Variants in SLC24A2 observed in about 807,000 individuals in gnomAD.
SLC24A2 encodes the protein sodium/potassium/calcium exchanger 2.
Under a neutral mutation model 62.0 loss-of-function variants are expected in SLC24A2, and 36 were observed. That is an observed-to-expected ratio of 0.58 (90% CI 0.44 to 0.77). The LOEUF (loss-of-function observed/expected upper bound fraction) is 0.77, where lower values mean the gene tolerates loss of function less well. Among genes scored for constraint, SLC24A2 ranks in the 30% least tolerant of loss-of-function variants. SLC24A2 has a pLI of 0.00. For synonymous variants in SLC24A2, 358 were observed against 294.0 expected (o/e 1.22, Z -2.23); for missense variants, 846 against 817.9 (o/e 1.03, Z -0.42).
chr9:19,793,061 C>G (rs892288593), upstream of SLC24A2, among the ~76,000 whole-genome samples: 2 of 152,248 alleles, frequency 1.3e-5, no homozygotes, highest in Non-Finnish European at 2.9e-5. Context: ...TTCTCAGCAT[C>G]TAGCCCTGCG....
the SLC24A2 span, among the ~76,000 whole-genome samples, chr9:20,090,201 C>T: frequency 1.3e-5 from 2 of 152,156 alleles, no homozygotes; most frequent in Non-Finnish European, 2.9e-5. Context: ...AGCACAGAGC[C>T]CCCATCCAGG....
chr9:19,752,970 G>A (rs1006691398), intron 2 of SLC24A2, among the ~76,000 whole-genome samples: 3 of 152,124 alleles, frequency 2.0e-5, no homozygotes, highest in African/African-American at 7.2e-5. Flanking sequence ...GACAAAATGA[G>A]GACAAATAGC....
At chr9:19,614,647 C>G (rs190418248) in intron 4 of SLC24A2, among the ~76,000 whole-genome samples, 2 of 152,132 alleles carry the variant, frequency 1.3e-5, no homozygotes, top group Admixed American at 6.6e-5. Flanking sequence ...CCTGGGATTT[C>G]CCAGGCTAGG....
At chr9:20,286,591 G>A in the SLC24A2 span, among the ~76,000 whole-genome samples, 1,089 of 152,320 alleles carry the variant, frequency 7.1e-3, 9 homozygotes, top group African/African-American at 0.024. Flanking sequence ...GGGGGGCTGA[G>A]ATCTGTCATT....
At chr9:19,932,930 A>G in the SLC24A2 span, among the ~76,000 whole-genome samples, 1 of 152,200 alleles carries the variant, frequency 6.6e-6, no homozygotes, top group African/African-American at 2.4e-5. Flanking sequence ...AAGTCCTTCA[A>G]AGGAACCTAA....
chr9:20,042,528 C>T, the SLC24A2 span, among the ~76,000 whole-genome samples: 1 of 152,202 alleles, frequency 6.6e-6, no homozygotes, highest in Non-Finnish European at 1.5e-5. Flanking sequence ...AGAAAGCACC[C>T]ACCAAGGTAG....
At chr9:20,037,749 T>C in the SLC24A2 span, among the ~76,000 whole-genome samples, 2 of 152,172 alleles carry the variant, frequency 1.3e-5, no homozygotes, top group Non-Finnish European at 2.9e-5. Flanking sequence ...ACACTTTGGA[T>C]TGTCTTGAGT....
chr9:20,191,621 C>T, the SLC24A2 span, among the ~76,000 whole-genome samples: 37,462 of 150,830 alleles, frequency 0.25, 6,147 homozygotes, highest in East Asian at 0.77. Context: ...CCAGGGGCCA[C>T]CTAAGAGAAT....
At chr9:19,666,634 T>C (rs1375212606) in intron 2 of SLC24A2, among the ~76,000 whole-genome samples, 1 of 152,210 alleles carries the variant, frequency 6.6e-6, no homozygotes, top group African/African-American at 2.4e-5. Context: ...AGAGTATATA[T>C]TTCTTTATTT....
intron 5 of SLC24A2, among the ~76,000 whole-genome samples, chr9:19,577,516 G>A (rs1407822247): frequency 2.0e-5 from 3 of 152,092 alleles, no homozygotes; most frequent in South Asian, 2.1e-4. Context: ...GGTCCCAAGC[G>A]TTTCAGATAG....
At chr9:20,096,086 T>C in the SLC24A2 span, among the ~76,000 whole-genome samples, 1 of 105,246 alleles carries the variant, frequency 9.5e-6, no homozygotes, top group Non-Finnish European at 1.9e-5. Context: ...CATCCATCCA[T>C]CCGTCCGTCC....
intron 5 of SLC24A2, among the ~76,000 whole-genome samples, chr9:19,580,478 G>A (rs1350064765): frequency 2.0e-5 from 3 of 152,208 alleles, no homozygotes; most frequent in African/African-American, 7.2e-5. Flanking sequence ...TGAGGATGAG[G>A]CTAACAGGAT....
chr9:19,998,149 C>A, the SLC24A2 span, among the ~76,000 whole-genome samples: 12 of 152,288 alleles, frequency 7.9e-5, no homozygotes, highest in African/African-American at 2.4e-4. Flanking sequence ...AATGAAACAA[C>A]AAAATCTGTA....
the SLC24A2 span, among the ~76,000 whole-genome samples, chr9:20,271,269 T>C: frequency 1.3e-5 from 2 of 152,204 alleles, no homozygotes; most frequent in African/African-American, 4.8e-5. Flanking sequence ...GTCCCCCATA[T>C]AATTTACAGA....
chr9:20,019,155 A>AGAGAGAG, the SLC24A2 span, among the ~76,000 whole-genome samples: 11 of 117,088 alleles, frequency 9.4e-5, no homozygotes, highest in Non-Finnish European at 1.5e-4. Flanking sequence ...GAAAGAAAGA[A>AGAGAGAG]AGAGAGAGAG....
At chr9:19,834,856 A>G in the SLC24A2 span, among the ~76,000 whole-genome samples, 1 of 152,250 alleles carries the variant, frequency 6.6e-6, no homozygotes. Flanking sequence ...ACGGAAGCCC[A>G]TCAGACTAAC....
the SLC24A2 span, among the ~76,000 whole-genome samples, chr9:19,962,587 T>C: frequency 6.6e-6 from 1 of 152,202 alleles, no homozygotes; most frequent in Non-Finnish European, 1.5e-5. Flanking sequence ...CCGTCCCTTG[T>C]AAGTTGGATT....
At chr9:19,767,533 T>C (rs565347509) in intron 2 of SLC24A2, among the ~76,000 whole-genome samples, 1 of 152,238 alleles carries the variant, frequency 6.6e-6, no homozygotes, top group Admixed American at 6.5e-5. Flanking sequence ...CAGTCCCTCA[T>C]GGCTTCCTTT....
intron 2 of SLC24A2, among the ~76,000 whole-genome samples, chr9:19,706,429 G>C (rs1361767117): frequency 6.7e-6 from 1 of 149,604 alleles, no homozygotes; most frequent in Admixed American, 6.7e-5. Flanking sequence ...GCCCATGCTG[G>C]AGTGCAGTGG....
Sources: gnomAD v4.1 joint callset for allele counts (sites outside exome capture counted in the v4.1 genomes callset) on GRCh38, gnomAD v4.1.1 for gene constraint, MANE v1.5 for transcripts, NCBI Gene and HGNC (gene_info 2026-07-23, HGNC 2026-07-21) for gene names.